GRIK2: variants seen among roughly 807,000 people sequenced by gnomAD.
GRIK2 encodes glutamate ionotropic receptor kainate type subunit 2, also known as glutamate receptor ionotropic, kainate 2.
GRIK2 carries 32 observed loss-of-function variants against 100.3 expected under a neutral mutation model. That is an observed-to-expected ratio of 0.32 (90% CI 0.24 to 0.43). The LOEUF is 0.43. Ranked by LOEUF, GRIK2 falls within the 20% of genes least tolerant of loss-of-function variation. GRIK2 has a pLI of 1.00. For synonymous variants in GRIK2, 417 were observed against 389.4 expected (o/e 1.07, Z -0.83); for missense variants, 843 against 1,114.9 (o/e 0.76, Z 3.47).
At chr6:101,800,830 G>T (rs994289736) in intron 8 of GRIK2, among the ~76,000 whole-genome samples, 1 of 152,034 alleles carries the variant, frequency 6.6e-6, no homozygotes, top group African/African-American at 2.4e-5. Context: ...TCTGAACTCA[G>T]CACTAGATTA....
chr6:101,836,802 A>C (rs1783150254), intron 10 of GRIK2, among the ~76,000 whole-genome samples: 1 of 150,436 alleles, frequency 6.6e-6, no homozygotes, highest in Admixed American at 6.7e-5. Context: ...AGTAGCTGGG[A>C]CTACAAATGC....
At chr6:101,419,457 A>G (rs537098510) in intron 2 of GRIK2, among the ~76,000 whole-genome samples, 29 of 152,246 alleles carry the variant, frequency 1.9e-4, no homozygotes, top group Non-Finnish European at 3.7e-4. Context: ...TACAGTGGAC[A>G]TATTTTATAG....
intron 2 of GRIK2, among the ~76,000 whole-genome samples, chr6:101,415,157 A>G (rs1329837258): frequency 1.3e-5 from 2 of 152,128 alleles, no homozygotes; most frequent in African/African-American, 4.8e-5. Context: ...TAAAAATTAA[A>G]ACAAATATTT....
chr6:101,541,451 CCAAA>C (rs1043453486), intron 2 of GRIK2, among the ~76,000 whole-genome samples: 7 of 144,844 alleles, frequency 4.8e-5, no homozygotes, highest in South Asian at 2.2e-4. Flanking sequence ...ACAAACCCAA[CCAAA>C]CAAACAAACT....
chr6:101,968,752 CT>C (rs561137836), intron 14 of GRIK2, among the ~76,000 whole-genome samples: 137 of 129,204 alleles, frequency 1.1e-3, no homozygotes, highest in Non-Finnish European at 2.0e-3. Context: ...AATGTGTGTT[CT>C]CTGAGGGGAA....
chr6:101,752,648 T>C (rs1249187927), intron 7 of GRIK2, among the ~76,000 whole-genome samples: 1 of 152,210 alleles, frequency 6.6e-6, no homozygotes, highest in African/African-American at 2.4e-5. Context: ...ATCTAGGTTT[T>C]TAGTGATAAC....
At chr6:101,801,672 A>G (rs1780679018) in intron 8 of GRIK2, among the ~76,000 whole-genome samples, 1 of 151,984 alleles carries the variant, frequency 6.6e-6, no homozygotes, top group Non-Finnish European at 1.5e-5. Flanking sequence ...TTGTGGTTCT[A>G]TAACCAACAG....
At chr6:101,415,531 C>G (rs1025736592) in intron 2 of GRIK2, among the ~76,000 whole-genome samples, 6 of 151,998 alleles carry the variant, frequency 3.9e-5, no homozygotes, top group Non-Finnish European at 8.8e-5. Context: ...CCACCACACC[C>G]GGCTAATTTT....
intron 2 of GRIK2, among the ~76,000 whole-genome samples, chr6:101,597,756 A>C (rs948333508): frequency 2.0e-5 from 3 of 151,726 alleles, no homozygotes. Flanking sequence ...CTTCCATTTC[A>C]AAGCAAGGAC....
chr6:101,770,841 T>G (rs187950452), intron 7 of GRIK2, among the ~76,000 whole-genome samples: 7 of 152,320 alleles, frequency 4.6e-5, no homozygotes, highest in Admixed American at 1.3e-4. Flanking sequence ...AGTGTGTTCT[T>G]CTGCACCAAC....
chr6:101,569,032 G>C (rs1015984207), intron 2 of GRIK2, among the ~76,000 whole-genome samples: 2 of 151,982 alleles, frequency 1.3e-5, no homozygotes, highest in African/African-American at 4.8e-5. Context: ...GTCTTGCTTT[G>C]AGAGCCATAA....
chr6:102,043,270 A>T (rs1372536898), intron 15 of GRIK2, among the ~76,000 whole-genome samples: 1 of 133,246 alleles, frequency 7.5e-6, no homozygotes, highest in African/African-American at 2.9e-5. Flanking sequence ...ATCACCTCAG[A>T]TACTTTTTTA....
At chr6:101,872,982 A>T (rs2128449159) in intron 11 of GRIK2, among the ~76,000 whole-genome samples, 1 of 152,000 alleles carries the variant, frequency 6.6e-6, no homozygotes, top group Middle Eastern at 3.4e-3. Context: ...TACCATAGTG[A>T]AGATTTCTTG....
intron 4 of GRIK2, among the ~76,000 whole-genome samples, chr6:101,633,248 A>G (rs1780848325): frequency 6.6e-6 from 1 of 152,134 alleles, no homozygotes; most frequent in South Asian, 2.1e-4. Flanking sequence ...TGCCTCAAAA[A>G]TTGGCATATA....
intron 14 of GRIK2, among the ~76,000 whole-genome samples, chr6:102,000,316 G>A (rs1232887678): frequency 4.1e-5 from 6 of 145,136 alleles, no homozygotes; most frequent in Non-Finnish European, 7.5e-5. Flanking sequence ...ACACATGCAG[G>A]TCTGTTACAT....
At chr6:101,898,842 T>C (rs1454573110) in intron 12 of GRIK2, among the ~76,000 whole-genome samples, 1 of 151,966 alleles carries the variant, frequency 6.6e-6, no homozygotes, top group African/African-American at 2.4e-5. Context: ...AATAATAATG[T>C]ACAGACAAAA....
intron 7 of GRIK2, among the ~76,000 whole-genome samples, chr6:101,755,180 T>C (rs1450560340): frequency 6.8e-5 from 10 of 146,244 alleles, no homozygotes; most frequent in Admixed American, 2.0e-4. Context: ...TTTTTTTTTT[T>C]TTTTGAGACG....
intron 12 of GRIK2, among the ~76,000 whole-genome samples, chr6:101,897,010 A>G: frequency 6.7e-6 from 1 of 148,854 alleles, no homozygotes; most frequent in South Asian, 2.1e-4. Flanking sequence ...ACACACACAC[A>G]CACACACACA....
At chr6:101,644,490 A>C (rs777894445) in intron 4 of GRIK2, among the ~76,000 whole-genome samples, 1 of 151,732 alleles carries the variant, frequency 6.6e-6, no homozygotes, top group African/African-American at 2.4e-5. Context: ...AGAGCATATA[A>C]CCATATAAGA....
Sources: gnomAD v4.1 joint callset for allele counts (sites outside exome capture counted in the v4.1 genomes callset) on GRCh38, gnomAD v4.1.1 for gene constraint, MANE v1.5 for transcripts, NCBI Gene and HGNC (gene_info 2026-07-23, HGNC 2026-07-21) for gene names.